The following POU2F3 variants were observed in gnomAD, a reference collection of about 807,000 sequenced individuals.
The protein encoded by POU2F3 is POU class 2 homeobox 3, also known as POU domain, class 2, transcription factor 3.
Under a neutral mutation model 59.2 loss-of-function variants are expected in POU2F3, and 23 were observed. That is an observed-to-expected ratio of 0.39 (90% CI 0.28 to 0.55). The LOEUF is 0.55. Ranked by LOEUF, POU2F3 falls within the 20% of genes least tolerant of loss-of-function variation. POU2F3 has a pLI of 0.66. For missense variants in POU2F3, 473 were observed against 544.5 expected (o/e 0.87, Z 1.31); for synonymous variants, 190 against 214.6 (o/e 0.89, Z 1.00).
chr11:120,254,445 A>G (rs1430381545), intron 2 of POU2F3, among the ~76,000 whole-genome samples: 1 of 152,176 alleles, frequency 6.6e-6, no homozygotes, highest in Non-Finnish European at 1.5e-5. Context: ...GGAGGGGCAG[A>G]GGAGATGACA....
chr11:120,317,124 C>T (rs909113565), intron 11 of POU2F3, 105 bp from the exon 12 acceptor site: 3 of 1,385,626 alleles, frequency 2.2e-6, no homozygotes, highest in African/African-American at 2.8e-5. Flanking sequence ...GGGTGAGGTC[C>T]CTTTGGGGAT....
rs754349254 is a variant in POU2F3, at chr11:120,305,085, C to T, written c.500C>T (p.Ser167Phe). ...TCTTTAGAACCCCACCTGGAAGCAT[C>T]CCAGCATCTCCCAGTGCCCAAGCAT... ...GSSLEPHLEA[S>F]QHLPVPKHLP... The change falls in exon 7 of 13, where the codon TCC becomes TTC. Residue 167 changes from serine to phenylalanine, a missense_variant. Physicochemically the swap from Ser to Phe is radical, Grantham distance 155 (BLOSUM62 -2). Transcript: ENST00000543440. The T allele has an allele frequency of 1.8e-5, 29 of 1,613,756 alleles. No homozygotes were observed. The highest frequency in any genetic ancestry group is 2.4e-5 in the Non-Finnish European group (28 of 1,179,974).
At chr11:120,251,597 C>T (rs1161129003) in intron 2 of POU2F3, among the ~76,000 whole-genome samples, 1 of 151,984 alleles carries the variant, frequency 6.6e-6, no homozygotes, top group Non-Finnish European at 1.5e-5. Flanking sequence ...AAACTGTAGT[C>T]CCCCCCAGAC....
At position 120,309,331 on chromosome 11, in the gene POU2F3, T is replaced by G. The variant is rs1017386264; in HGVS notation, c.907-94T>G. On this transcript the variant is annotated intron_variant, in intron 9 of 12. Transcript: ENST00000543440. ...CTAGGTCTGACTCTAAAGCTTTTGA[T>G]CCATGTATAGTTGTATCCTGTTTCT... is the stretch of plus-strand genomic sequence containing the variant. 4 of 1,295,666 alleles carry G rather than the reference T, an allele frequency of 3.1e-6. No individual in the cohort carries two copies. The East Asian group carries it at 9.4e-5, about 30-fold the overall frequency. 80.3% of individuals were successfully genotyped at this position (1,295,666 alleles called of 1,614,324 possible).
intron 8 of POU2F3, 147 bp downstream of exon 8, chr11:120,305,932 G>A (rs1454401469): frequency 9.9e-7 from 1 of 1,010,670 alleles, no homozygotes; most frequent in Non-Finnish European, 1.4e-6. Flanking sequence ...ACAAGACACA[G>A]GACACAGGCA....
rs546604682 is a variant in POU2F3 at position 120,300,561 on chromosome 11, C to T, written c.361+835C>T. ...GACGGATCACTTGAGGCCAGAAGTT[C>T]GAGACCAGCCTGGCCAACATGGTAA... On this transcript the variant is annotated intron_variant, in intron 5 of 12. Coordinates refer to ENST00000543440, the MANE Select transcript of POU2F3 (RefSeq NM_014352.4). 1.6e-4 allele frequency among the ~76,000 whole-genome samples: 24 copies of T among 152,122 alleles called. No individual in the cohort carries two copies. The South Asian group carries it at 4.0e-3, about 25-fold the overall frequency.
rs560245875 is a variant in POU2F3 at position 120,317,381 on chromosome 11, G to A, written c.1271+17G>A. The A allele has an allele frequency of 1.1e-5, 18 of 1,613,858 alleles. No homozygotes were observed. The highest frequency in any genetic ancestry group is 4.4e-5 in the South Asian group (4 of 91,070). On this transcript the variant is annotated intron_variant, in intron 12 of 12. Coordinates refer to ENST00000543440, the MANE Select transcript of POU2F3 (RefSeq NM_014352.4). ...CTCTTCAGGGTAAGGTGAAGGGGAC[G>A]GTGCAGAGACATCCCAGCAGGGCCA...
chr11:120,310,360 A>G (rs544018842), intron 10 of POU2F3, among the ~76,000 whole-genome samples: 15 of 152,296 alleles, frequency 9.8e-5, no homozygotes, highest in African/African-American at 3.6e-4. Flanking sequence ...TTTTTTTGAG[A>G]TGATGAAAAC....
intron 2 of POU2F3, chr11:120,259,402 A>G (rs1179073498): frequency 6.6e-6 from 1 of 152,218 alleles, no homozygotes; most frequent in Non-Finnish European, 1.5e-5. Context: ...TGAGTTTAGG[A>G]AAGAAAAAGG....
intron 12 of POU2F3, 132 bp downstream of exon 12, chr11:120,317,496 G>T: frequency 1.6e-6 from 2 of 1,277,810 alleles, no homozygotes; most frequent in South Asian, 1.4e-5. Context: ...GCACAGAGAG[G>T]ACAGAGTGAC....
chr11:120,304,208 G>C (rs539897867), intron 6 of POU2F3: 2 of 152,090 alleles, frequency 1.3e-5, no homozygotes, highest in East Asian at 3.9e-4. Flanking sequence ...GCACACGCCT[G>C]TAGCCCCAGC....
chr11:120,278,139 T>TA (rs1940411304), intron 3 of POU2F3, among the ~76,000 whole-genome samples: 1 of 152,178 alleles, frequency 6.6e-6, no homozygotes, highest in Admixed American at 6.5e-5. Flanking sequence ...TGTGTTCACA[T>TA]AAAAAATAGA....
chr11:120,279,029 G>C (rs1236026244), intron 3 of POU2F3, among the ~76,000 whole-genome samples: 2 of 152,122 alleles, frequency 1.3e-5, no homozygotes, highest in African/African-American at 4.8e-5. Flanking sequence ...GAGTATAAAA[G>C]GGTTTAGCAA....
At chr11:120,288,720 C>T (rs1841228780) in intron 3 of POU2F3, among the ~76,000 whole-genome samples, 1 of 151,826 alleles carries the variant, frequency 6.6e-6, no homozygotes, top group Admixed American at 6.6e-5. Context: ...GTGTTGCCTA[C>T]TGCGAGACAG....
At chr11:120,314,049 G>A (rs1334359547) in intron 10 of POU2F3, among the ~76,000 whole-genome samples, 2 of 152,098 alleles carry the variant, frequency 1.3e-5, no homozygotes, top group Admixed American at 6.6e-5. Flanking sequence ...CACATGTCTT[G>A]GGTGTGACAG....
At chr11:120,272,230 A>G (rs1940108538) in intron 3 of POU2F3, among the ~76,000 whole-genome samples, 1 of 152,142 alleles carries the variant, frequency 6.6e-6, no homozygotes, top group Non-Finnish European at 1.5e-5. Flanking sequence ...TTTTTCAGAG[A>G]AGGATTTGAG....
At chr11:120,273,558 G>A (rs962122486) in intron 3 of POU2F3, among the ~76,000 whole-genome samples, 4 of 152,184 alleles carry the variant, frequency 2.6e-5, no homozygotes, top group Admixed American at 6.5e-5. Context: ...GCAGTAAGGC[G>A]CTACTAGGTG....
chr11:120,295,641 C>T (rs1336075874), intron 3 of POU2F3, among the ~76,000 whole-genome samples: 2 of 152,172 alleles, frequency 1.3e-5, no homozygotes, highest in Non-Finnish European at 2.9e-5. Context: ...TTCCTGGAAT[C>T]TAAGGATATG....
chr11:120,318,474 T>C lies in POU2F3; in HGVS notation c.*82T>C. The C allele has an allele frequency of 2.9e-6, 4 of 1,393,094 alleles. No homozygotes were observed. The highest frequency in any genetic ancestry group is 4.1e-6 in the Non-Finnish European group (4 of 981,832). 86.3% of individuals were successfully genotyped at this position (1,393,094 alleles called of 1,614,324 possible). On this transcript the variant is annotated 3_prime_UTR_variant, in exon 13 of 13. Transcript: ENST00000543440. ...ATCATGCCTTCTATATACAGACAGA[T>C]TGCCTTCAGAAGAGTGGAAGAAAAT...
Sources: allele counts gnomAD v4.1 joint callset (sites outside exome capture counted in the v4.1 genomes callset), GRCh38; gene constraint gnomAD v4.1.1; transcripts MANE v1.5; gene names NCBI Gene and HGNC (gene_info 2026-07-23, HGNC 2026-07-21).